The following CACNA1E variants were observed in gnomAD, a reference collection of about 807,000 sequenced individuals.
The protein encoded by CACNA1E is voltage-dependent R-type calcium channel subunit alpha-1E.
A neutral mutation model predicts 259.2 loss-of-function variants in CACNA1E; 40 were observed. That is an observed-to-expected ratio of 0.15 (90% confidence interval 0.12 to 0.20). CACNA1E has a LOEUF of 0.20. CACNA1E is among the 10% of genes least tolerant of loss of function. CACNA1E has a pLI of 1.00. For synonymous variants in CACNA1E, 1,104 were observed against 1,138.5 expected, an observed-to-expected ratio of 0.97 and a Z score of 0.61; for missense variants, 1,874 against 3,040.1, an observed-to-expected ratio of 0.62 and a Z score of 9.02.
rs374137529 is a variant in CACNA1E at position 181,748,211 on chromosome 1, C to A, written c.3720-2265C>A. Among the ~76,000 whole-genome samples, 12 of 152,124 alleles carry A rather than the reference C, an allele frequency of 7.9e-5. 1 individual carries two copies. The South Asian group carries it at 1.5e-3, about 18-fold the overall frequency. On this transcript the variant is annotated intron_variant, in intron 25 of 47. Transcript: ENST00000367573. ...TGGGAGTTAGGATGTGACAAATAGC[C>A]CCCCCAGTGGTTTGGCAGCCACGTT...
rs1662652831 is a variant in CACNA1E at position 181,806,747 on chromosome 1, A to G, written c.*7913A>G. On this transcript the variant is annotated 3_prime_UTR_variant, in exon 48 of 48. Transcript: ENST00000367573. The stretch of plus-strand genomic sequence containing the variant: ...GAAAAACTTTAATGTTTTGGGGGGG[A>G]TAAAAGAAAAGAATAAATAAAACCT... 1 of 152,194 alleles carries G rather than the reference A, an allele frequency of 6.6e-6. No individual in the cohort carries two copies. The highest frequency in any genetic ancestry group is 1.9e-4 in the East Asian group (1 of 5,190). The allele number at this position is 152,194 out of a possible 1,614,324, so 9.4% of individuals were successfully genotyped here. A position where few individuals can be genotyped will look rare whatever the true frequency, so the allele number is the denominator to read the frequency against.
intron 6 of CACNA1E, among the ~76,000 whole-genome samples, chr1:181,584,790 AT>A (rs1210051195): frequency 3.3e-5 from 5 of 152,180 alleles, no homozygotes; most frequent in Non-Finnish European, 5.9e-5. Flanking sequence ...CCTCCTCCAC[AT>A]TATAGTAGAA....
At chr1:181,363,205 A>G (rs371765487) in intron 1 of CACNA1E, among the ~76,000 whole-genome samples, 1 of 152,166 alleles carries the variant, frequency 6.6e-6, no homozygotes, top group Admixed American at 6.5e-5. Context: ...GGTACTCACA[A>G]TCTCATTAGG....
intron 11 of CACNA1E, 115 bp downstream of exon 11, chr1:181,717,417 C>T (rs924114819): frequency 2.9e-5 from 24 of 814,084 alleles, no homozygotes; most frequent in African/African-American, 2.2e-4. Flanking sequence ...TACCTCTTCA[C>T]GCTGTGAGGG....
intron 2 of CACNA1E, among the ~76,000 whole-genome samples, chr1:181,454,804 A>G (rs775110541): frequency 1.2e-4 from 19 of 152,196 alleles, no homozygotes; most frequent in Non-Finnish European, 1.8e-4. Context: ...TATTTATTCC[A>G]CATGTACTAG....
chr1:181,324,877 G>A (rs1178145327), intron 1 of CACNA1E, among the ~76,000 whole-genome samples: 2 of 152,124 alleles, frequency 1.3e-5, no homozygotes, highest in Non-Finnish European at 1.5e-5. Flanking sequence ...AACCCAGAGC[G>A]GACAGAGGTT....
chr1:181,622,544 T>C (rs1650311693), intron 6 of CACNA1E, among the ~76,000 whole-genome samples: 1 of 152,198 alleles, frequency 6.6e-6, no homozygotes, highest in Non-Finnish European at 1.5e-5. Flanking sequence ...CCATGTTCTT[T>C]TTCTGTGTGC....
At chr1:181,796,543 C>A in intron 46 of CACNA1E, 125 bp from the exon 47 acceptor site, 1 of 621,340 alleles carries the variant, frequency 1.6e-6, no homozygotes, top group Non-Finnish European at 2.6e-6. Flanking sequence ...GGGGGGGACA[C>A]AAACATGTGG....
intron 3 of CACNA1E, among the ~76,000 whole-genome samples, chr1:181,553,435 A>T (rs978293878): frequency 2.6e-5 from 4 of 152,186 alleles, no homozygotes; most frequent in African/African-American, 9.7e-5. Context: ...ATATACAATT[A>T]TGTCATCTGC....
rs377143034 is a variant in CACNA1E at position 181,762,591 on chromosome 1, C to A, written c.4623C>A (p.Thr1541=). The A allele has an allele frequency of 1.2e-5, 20 of 1,607,494 alleles. 1 individual carries two copies. The highest frequency in any genetic ancestry group is 1.6e-5 in the Non-Finnish European group (19 of 1,175,112). The change falls in exon 33 of 48, where the codon ACC becomes ACA. Residue 1541 remains threonine (T), a synonymous_variant. Transcript: ENST00000367573. ...TTTGGCAGAACTATTTCCGAGACAC[C>A]TGGAATATCTTTGACTTCATCACCG... ...AFGFLNYFRD[T]WNIFDFITVI... is the part of the protein sequence containing the mutation.
At chr1:181,477,187 C>T (rs1256447457) in intron 2 of CACNA1E, among the ~76,000 whole-genome samples, 1 of 150,470 alleles carries the variant, frequency 6.6e-6, no homozygotes. Flanking sequence ...AACATTCATG[C>T]TGCAGGCTGC....
chr1:181,783,057 G>A (rs949407344), intron 39 of CACNA1E, among the ~76,000 whole-genome samples: 2 of 152,082 alleles, frequency 1.3e-5, no homozygotes, highest in Admixed American at 1.3e-4. Flanking sequence ...TCCTACCCCA[G>A]AGCCTGTTTG....
At chr1:181,566,201 C>A (rs1336461364) in intron 3 of CACNA1E, among the ~76,000 whole-genome samples, 2 of 152,182 alleles carry the variant, frequency 1.3e-5, no homozygotes, top group Non-Finnish European at 2.9e-5. Context: ...CTTTTGAAAG[C>A]ACTCCAAATT....
At chr1:181,746,880 A>C (rs1179009634) in intron 25 of CACNA1E, among the ~76,000 whole-genome samples, 1 of 152,150 alleles carries the variant, frequency 6.6e-6, no homozygotes, top group Non-Finnish European at 1.5e-5. Context: ...GAATCCCAGC[A>C]CTATTATTAA....
At chr1:181,560,930 C>T (rs1384965974) in intron 3 of CACNA1E, among the ~76,000 whole-genome samples, 3 of 152,320 alleles carry the variant, frequency 2.0e-5, no homozygotes, top group Admixed American at 2.0e-4. Context: ...AGGCCTGACA[C>T]ATGCTACAGC....
At chr1:181,774,246 A>G (rs1227952822) in intron 37 of CACNA1E, among the ~76,000 whole-genome samples, 1 of 152,236 alleles carries the variant, frequency 6.6e-6, no homozygotes, top group African/African-American at 2.4e-5. Context: ...GACATTAATA[A>G]TAGGTACCCC....
chr1:181,498,571 C>A (rs1664980954), intron 1 of CACNA1E, among the ~76,000 whole-genome samples: 1 of 152,148 alleles, frequency 6.6e-6, no homozygotes, highest in South Asian at 2.1e-4. Flanking sequence ...TATGCTCTTT[C>A]TTTCTCCTCC....
rs576732696 is a variant in CACNA1E, at chr1:181,799,775, G to C, written c.*941G>C. On this transcript the variant is annotated 3_prime_UTR_variant, in exon 48 of 48. Transcript: ENST00000367573. The stretch of plus-strand genomic sequence containing the variant: ...AGTCATGGGGGAACCCTGAGGGTGT[G>C]GGTAGAGTAGCAGGGGCCACCTAAG... 6.6e-6 allele frequency: 1 copy of C among 151,606 alleles called. No homozygotes were observed. The highest frequency in any genetic ancestry group is 2.1e-4 in the South Asian group (1 of 4,764). The allele number at this position is 151,606 out of a possible 1,614,324, so 9.4% of individuals were successfully genotyped here. A position where few individuals can be genotyped will look rare whatever the true frequency, so the allele number is the denominator to read the frequency against.
chr1:181,537,095 C>CTTTTTTTTTTT (rs201514362), intron 3 of CACNA1E, among the ~76,000 whole-genome samples: 2 of 112,632 alleles, frequency 1.8e-5, no homozygotes, highest in Admixed American at 9.4e-5. Flanking sequence ...TTTTTCTTTT[C>CTTTTTTTTTTT]TTTTTTTTTT....
Sources: allele counts gnomAD v4.1 joint callset (sites outside exome capture counted in the v4.1 genomes callset), GRCh38; gene constraint gnomAD v4.1.1; transcripts MANE v1.5; gene names NCBI Gene and HGNC (gene_info 2026-07-23, HGNC 2026-07-21).